MYO5B: variants seen among roughly 807,000 people sequenced by gnomAD.
MYO5B encodes unconventional myosin-Vb.
In MYO5B, 143 loss-of-function variants were observed where a neutral mutation model predicts 229.3. The ratio of observed to expected loss-of-function variants is 0.62; its 90% CI spans 0.54 to 0.72. The LOEUF (loss-of-function observed/expected upper bound fraction) is 0.72. Among genes scored for constraint, MYO5B ranks in the 30% least tolerant of loss-of-function variants. The pLI is 0.00. For missense variants in MYO5B, 2,321 were observed against 2,331.0 expected (o/e 1.00, Z 0.09); for synonymous variants, 918 against 885.2 (o/e 1.04, Z -0.66).
intron 2 of MYO5B, among the ~76,000 whole-genome samples, chr18:50,044,783 C>G (rs1372737558): frequency 6.6e-6 from 1 of 152,064 alleles, no homozygotes; most frequent in Non-Finnish European, 1.5e-5. Flanking sequence ...TTTGTCTACA[C>G]AAGGCTGAGG....
intron 1 of MYO5B, among the ~76,000 whole-genome samples, chr18:50,089,479 T>C (rs1199183051): frequency 6.6e-6 from 1 of 151,730 alleles, no homozygotes; most frequent in African/African-American, 2.4e-5. Context: ...GGCTCATGCC[T>C]GTAATCTCAG....
intron 27 of MYO5B, among the ~76,000 whole-genome samples, chr18:49,866,461 A>G (rs1202453594): frequency 6.6e-6 from 1 of 151,904 alleles, no homozygotes; most frequent in African/African-American, 2.4e-5. Context: ...GAACTTTTTC[A>G]CCTTTTCCAG....
Position 50,072,895 on chromosome 18 carries a change from G to A in MYO5B, c.28-17517C>T, listed in dbSNP as rs904725813. ...AGACCAGAAGCAGGAGAGCAACCAG[G>A]GCTCACATTCCAGGCTGGAGTGTGC... On this transcript the variant is annotated intron_variant, in intron 1 of 39. Coordinates refer to ENST00000285039, the MANE Select transcript of MYO5B (RefSeq NM_001080467.3). 8.5e-5 allele frequency among the ~76,000 whole-genome samples: 13 copies of A among 152,146 alleles called. No homozygotes were observed. The East Asian group carries it at 1.9e-3, about 23-fold the overall frequency.
chr18:50,123,934 C>T (rs1341054562), intron 1 of MYO5B, among the ~76,000 whole-genome samples: 1 of 152,146 alleles, frequency 6.6e-6, no homozygotes, highest in Non-Finnish European at 1.5e-5. Context: ...AGATACATGC[C>T]GTCCACAGAA....
intron 1 of MYO5B, among the ~76,000 whole-genome samples, chr18:50,070,154 T>A (rs1383680777): frequency 6.6e-6 from 1 of 151,632 alleles, no homozygotes; most frequent in Non-Finnish European, 1.5e-5. Context: ...CCCTAGTAGC[T>A]GGGATTACAG....
chr18:49,826,244 C>G lies in MYO5B; in HGVS notation c.*227G>C. ...TTATGTATATGTGTTGGACTGAAAT[C>G]AAACTTAAAATCTTCCATATTTCAA... On this transcript the variant is annotated 3_prime_UTR_variant, in exon 40 of 40. Transcript: ENST00000285039. The G allele has an allele frequency of 1.8e-6, 1 of 548,928 alleles. No individual in the cohort carries two copies. The highest frequency in any genetic ancestry group is 3.4e-5 in the East Asian group (1 of 29,496). 34.0% of individuals were successfully genotyped at this position (548,928 alleles called of 1,614,324 possible). A position where few individuals can be genotyped will look rare whatever the true frequency, so the allele number is the denominator to read the frequency against.
intron 35 of MYO5B, among the ~76,000 whole-genome samples, chr18:49,841,115 A>G (rs1162752795): frequency 1.3e-5 from 2 of 152,216 alleles, no homozygotes; most frequent in African/African-American, 4.8e-5. Flanking sequence ...TGGGTTATGC[A>G]GACTCTACTT....
intron 1 of MYO5B, among the ~76,000 whole-genome samples, chr18:50,172,457 A>C (rs760368555): frequency 1.2e-4 from 18 of 152,182 alleles, no homozygotes; most frequent in Non-Finnish European, 2.5e-4. Flanking sequence ...AGGTCCTACC[A>C]CTGTGAGTTT....
intron 38 of MYO5B, 44 bp downstream of exon 38, chr18:49,836,667 C>A: frequency 6.2e-7 from 1 of 1,610,332 alleles, no homozygotes; most frequent in Non-Finnish European, 8.5e-7. Flanking sequence ...GGACTCAGGG[C>A]TTCCTTGGAA....
intron 1 of MYO5B, among the ~76,000 whole-genome samples, chr18:50,116,547 G>C (rs2031966002): frequency 6.6e-6 from 1 of 152,000 alleles, no homozygotes; most frequent in African/African-American, 2.4e-5. Flanking sequence ...AAAAAAACCT[G>C]CTGCATCTCT....
intron 10 of MYO5B, among the ~76,000 whole-genome samples, chr18:49,969,075 A>G (rs2025658912): frequency 6.6e-6 from 1 of 152,148 alleles, no homozygotes; most frequent in Non-Finnish European, 1.5e-5. Flanking sequence ...GCTTCCGATG[A>G]TCTGCAAGGT....
chr18:49,858,039 G>A (rs1423264732), intron 29 of MYO5B, among the ~76,000 whole-genome samples: 1 of 152,138 alleles, frequency 6.6e-6, no homozygotes. Flanking sequence ...CATTCCCAGG[G>A]TGCAAACCAT....
intron 1 of MYO5B, among the ~76,000 whole-genome samples, chr18:50,135,709 C>G (rs1156252742): frequency 6.6e-6 from 1 of 152,194 alleles, no homozygotes; most frequent in Non-Finnish European, 1.5e-5. Context: ...TCCATGCACG[C>G]TGTCTTACTA....
chr18:50,036,735 T>C, intron 4 of MYO5B, 115 bp downstream of exon 4: 1 of 1,232,346 alleles, frequency 8.1e-7, no homozygotes, highest in South Asian at 1.3e-5. Flanking sequence ...CCAAGATGTT[T>C]CCTCAGTCCC....
intron 4 of MYO5B, among the ~76,000 whole-genome samples, chr18:50,014,276 A>G (rs1229680981): frequency 1.3e-3 from 52 of 40,280 alleles, no homozygotes; most frequent in Admixed American, 2.1e-3. Context: ...TGGATGAGAA[A>G]GGAAAAAAAA....
At chr18:49,992,156 C>G (rs1382449195) in intron 6 of MYO5B, 132 bp downstream of exon 6, 1 of 1,308,182 alleles carries the variant, frequency 7.6e-7, no homozygotes, top group Non-Finnish European at 1.1e-6. Context: ...AGATAAGAAC[C>G]AAAAGAACAA....
At chr18:49,835,081 G>A (rs1222039778) in intron 39 of MYO5B, among the ~76,000 whole-genome samples, 2 of 152,144 alleles carry the variant, frequency 1.3e-5, no homozygotes, top group Admixed American at 1.3e-4. Context: ...ACATGCTAGT[G>A]GCAAATGACA....
At chr18:49,900,847 G>A (rs950700726) in intron 21 of MYO5B, among the ~76,000 whole-genome samples, 2 of 152,146 alleles carry the variant, frequency 1.3e-5, no homozygotes, top group African/African-American at 2.4e-5. Flanking sequence ...GGAGCCAAAC[G>A]CAGCAGTAGG....
Position 49,875,727 on chromosome 18 carries a change from TGCACTTGCA to T in MYO5B, c.3488_3496del (p.Leu1163_Val1165del), listed in dbSNP as rs1683902579. 1 of 1,614,062 alleles carries T rather than the reference TGCACTTGCA, an allele frequency of 6.2e-7. No individual in the cohort carries two copies. The highest frequency in any genetic ancestry group is 1.1e-5 in the South Asian group (1 of 91,090). ...GTCCTGCTGTTCTCTCTTCTCCAGC[TGCACTTGCA>T]GCTTTTTCCTCTCCTGCTCCAGCTC... On this transcript the variant is annotated inframe_deletion, in exon 26 of 40. Coordinates refer to ENST00000285039, the MANE Select transcript of MYO5B (RefSeq NM_001080467.3).
Sources: gnomAD v4.1 joint callset for allele counts (sites outside exome capture counted in the v4.1 genomes callset) on GRCh38, gnomAD v4.1.1 for gene constraint, MANE v1.5 for transcripts, NCBI Gene and HGNC (gene_info 2026-07-23, HGNC 2026-07-21) for gene names.